MTHFD1: variants seen among roughly 807,000 people sequenced by gnomAD.
The protein encoded by MTHFD1 is C-1-tetrahydrofolate synthase, cytoplasmic.
Under a neutral mutation model 110.3 loss-of-function variants are expected in MTHFD1, and 44 were observed. That is an observed-to-expected ratio of 0.40 (90% CI 0.31 to 0.51). The LOEUF is 0.51. Ranked by LOEUF, MTHFD1 falls within the 20% of genes least tolerant of loss-of-function variation. MTHFD1 has a pLI of 0.60. For synonymous variants in MTHFD1, 402 were observed against 428.8 expected, an observed-to-expected ratio of 0.94 and a Z score of 0.77; for missense variants, 909 against 1,173.1, an observed-to-expected ratio of 0.77 and a Z score of 3.29.
chr14:64,419,681 C>A, intron 7 of MTHFD1, 133 bp from the exon 8 acceptor site: 1 of 723,504 alleles, frequency 1.4e-6, no homozygotes, highest in South Asian at 1.5e-5. Context: ...GGCCTTAACC[C>A]AATATCTTAT....
chr14:64,454,795 G>A lies in MTHFD1; in HGVS notation c.2638G>A (p.Val880Ile). The A allele has an allele frequency of 1.2e-6, 2 of 1,614,122 alleles. No homozygotes were observed. The highest frequency in any genetic ancestry group is 1.7e-6 in the Non-Finnish European group (2 of 1,179,984). ...SLSHNPEQKG[V>I]PTGFILPIRD... The stretch of plus-strand genomic sequence containing the variant: ...GTCTCACAACCCAGAGCAAAAAGGT[G>A]TCCCTACAGGCTTCATTCTGCCCAT... The change falls in exon 26 of 28, where the codon GTC becomes ATC. Residue 880 changes from valine (V) to isoleucine (I), a missense_variant. Val to Ile is a conservative substitution (Grantham distance 29). Around this residue, in one of 3 missense-constraint regions of MTHFD1, gnomAD observed 482 missense variants for 646.0 expected, o/e 0.75. Transcript: ENST00000652337.
chr14:64,417,154 C>G lies in MTHFD1; in HGVS notation c.479-734C>G, dbSNP rs2078031354. Among the ~76,000 whole-genome samples, 1 of 152,204 alleles carries G rather than the reference C, an allele frequency of 6.6e-6. No homozygotes were observed. The highest frequency in any genetic ancestry group is 2.4e-5 in the African/African-American group (1 of 41,446). ...CTTTGTGGCCACAAACACCTACAGC[C>G]TGGTTCCATCCTCATGCCTAACAGT... On this transcript the variant is annotated intron_variant, in intron 6 of 27. Coordinates refer to ENST00000652337, the MANE Select transcript of MTHFD1 (RefSeq NM_005956.4). This position sits in a 1 kb window ranked among gnomAD's most constrained non-coding sequence, Gnocchi z 4.4.
At chr14:64,428,635 C>T (rs543616668) in intron 12 of MTHFD1, among the ~76,000 whole-genome samples, 1 of 150,034 alleles carries the variant, frequency 6.7e-6, no homozygotes, top group African/African-American at 2.5e-5. Flanking sequence ...CTCACTGCAA[C>T]CTCCGCCTCC....
chr14:64,439,218 A>T (rs1385083313), intron 17 of MTHFD1, 46 bp downstream of exon 17: 6 of 1,384,942 alleles, frequency 4.3e-6, no homozygotes, highest in Non-Finnish European at 6.2e-6. Flanking sequence ...GAGGCACTAG[A>T]TCTTGCTGCT....
At chr14:64,418,478 A>G (rs1320554052) in intron 7 of MTHFD1, among the ~76,000 whole-genome samples, 4 of 151,004 alleles carry the variant, frequency 2.6e-5, no homozygotes, top group Non-Finnish European at 4.4e-5. Context: ...AATTAATTAA[A>G]AAAAACATAA....
At chr14:64,392,265 A>G (rs2077812374) in intron 1 of MTHFD1, among the ~76,000 whole-genome samples, 1 of 152,186 alleles carries the variant, frequency 6.6e-6, no homozygotes. Flanking sequence ...GAGTAGAGGA[A>G]CCTGACCCTG....
intron 2 of MTHFD1, among the ~76,000 whole-genome samples, chr14:64,404,381 C>T (rs973457105): frequency 4.6e-5 from 7 of 152,234 alleles, no homozygotes; most frequent in Non-Finnish European, 7.3e-5. Flanking sequence ...AGTAACCTCA[C>T]CCAGTCCCAT....
At chr14:64,453,281 A>G (rs1036072613) in intron 24 of MTHFD1, among the ~76,000 whole-genome samples, 8 of 152,180 alleles carry the variant, frequency 5.3e-5, no homozygotes, top group African/African-American at 1.9e-4. Context: ...ATTAAAAGAA[A>G]GTGTTCCTGG....
At chr14:64,427,854 C>A in intron 12 of MTHFD1, among the ~76,000 whole-genome samples, 1 of 152,276 alleles carries the variant, frequency 6.6e-6, no homozygotes, top group Middle Eastern at 3.4e-3. Flanking sequence ...AAAAGCCTAC[C>A]TTTATTGAAT....
At chr14:64,443,372 G>C (rs942312667) in intron 21 of MTHFD1, among the ~76,000 whole-genome samples, 5 of 152,166 alleles carry the variant, frequency 3.3e-5, no homozygotes, top group African/African-American at 4.8e-5. Context: ...TTTAGGCATT[G>C]TACATTTTTC....
At chr14:64,389,895 T>A (rs1227153255) in intron 1 of MTHFD1, among the ~76,000 whole-genome samples, 3 of 152,202 alleles carry the variant, frequency 2.0e-5, no homozygotes, top group Non-Finnish European at 4.4e-5. Context: ...GAAGAGATAA[T>A]TTAGTGCATA....
At chr14:64,442,894 A>G (rs2078259581) in intron 21 of MTHFD1, among the ~76,000 whole-genome samples, 1 of 152,052 alleles carries the variant, frequency 6.6e-6, no homozygotes, top group South Asian at 2.1e-4. Context: ...TGCCCTGGGT[A>G]ACAGAGAAAC....
chr14:64,394,756 GC>G (rs1566551994), intron 1 of MTHFD1, among the ~76,000 whole-genome samples: 1 of 152,088 alleles, frequency 6.6e-6, no homozygotes, highest in Non-Finnish European at 1.5e-5. Flanking sequence ...TCCTTAGTAA[GC>G]AGCCTTTTAG....
chr14:64,401,757 G>T (rs2077899301), intron 2 of MTHFD1, among the ~76,000 whole-genome samples: 1 of 150,858 alleles, frequency 6.6e-6, no homozygotes, highest in Non-Finnish European at 1.5e-5. Flanking sequence ...ATTTAAAAAT[G>T]CCAATAGTGA....
chr14:64,455,184 G>A (rs2078449384), intron 26 of MTHFD1: 1 of 390,432 alleles, frequency 2.6e-6, no homozygotes, highest in Non-Finnish European at 4.9e-6. Context: ...GGCTGGGGTA[G>A]TGCTAACATA....
At chr14:64,388,701 C>A in intron 1 of MTHFD1, 1 of 602,474 alleles carries the variant, frequency 1.7e-6, no homozygotes, top group Admixed American at 2.9e-5. Context: ...AAGTCCTGTG[C>A]CGACTATGCT....
At chr14:64,388,919 A>G (rs2077784200) in intron 1 of MTHFD1, 1 of 232,434 alleles carries the variant, frequency 4.3e-6, no homozygotes, top group Non-Finnish European at 8.6e-6. Flanking sequence ...AGCTTTTCCC[A>G]CTATACCATA....
intron 22 of MTHFD1, among the ~76,000 whole-genome samples, chr14:64,445,959 AT>A (rs1488039151): frequency 3.3e-5 from 5 of 152,200 alleles, no homozygotes; most frequent in African/African-American, 1.2e-4. Flanking sequence ...CATAAATCAC[AT>A]TTATAATGAA....
chr14:64,425,373 C>T (rs548792468), intron 9 of MTHFD1, among the ~76,000 whole-genome samples: 6 of 152,044 alleles, frequency 3.9e-5, no homozygotes, highest in East Asian at 1.9e-4. Flanking sequence ...CCACCACGCC[C>T]GGCGAATTTT....
Sources: allele counts gnomAD v4.1 joint callset (sites outside exome capture counted in the v4.1 genomes callset), GRCh38; gene constraint gnomAD v4.1.1; regional missense constraint gnomAD v4.1.1; non-coding constraint Gnocchi (gnomAD v3.1); transcripts MANE v1.5; gene names NCBI Gene and HGNC (gene_info 2026-07-23, HGNC 2026-07-21).